CLEC3A: variants seen among roughly 807,000 people sequenced by gnomAD.
CLEC3A encodes C-type lectin domain family 3 member A, also known as C-type (calcium dependent, carbohydrate-recognition domain) lectin, superfamily member 1 (cartilage-derived).
Under a neutral mutation model 20.4 loss-of-function variants are expected in CLEC3A, and 28 were observed. The ratio of observed to expected loss-of-function variants is 1.37; its 90% CI spans 1.02 to 1.88. CLEC3A has a LOEUF of 1.88. CLEC3A is among the 40% of genes most tolerant of loss of function. The probability of loss-of-function intolerance (pLI) is 0.00; values close to 1 mark genes in which losing one functional copy is unlikely to be tolerated. For synonymous variants in CLEC3A, 110 were observed against 88.1 expected (o/e 1.25, Z -1.39); for missense variants, 357 against 240.4 (o/e 1.48, Z -3.21).
At chr16:78,025,736 C>G (rs1308703365) in intron 1 of CLEC3A, among the ~76,000 whole-genome samples, 1 of 152,176 alleles carries the variant, frequency 6.6e-6, no homozygotes, top group Non-Finnish European at 1.5e-5. Context: ...TATGACTTTT[C>G]CAGCTCAGTA....
At chr16:78,023,163 T>C (rs577842040) in intron 1 of CLEC3A, among the ~76,000 whole-genome samples, 13 of 152,360 alleles carry the variant, frequency 8.5e-5, no homozygotes, top group Admixed American at 4.6e-4. Flanking sequence ...AAGATAACTA[T>C]AATCTTATTC....
In CLEC3A at chr16:78,028,203, C is replaced by T. The variant is rs756191025; in HGVS notation, c.199+13C>T. The T allele has an allele frequency of 3.2e-6, 5 of 1,571,314 alleles. No individual in the cohort carries two copies. The highest frequency in any genetic ancestry group is 4.3e-6 in the Non-Finnish European group (5 of 1,162,614). ...GCCCTGCAGACAGGTAAGGTGCAGACCTTCTCAGTGCCTTGTCCCAAAGGA... is the reference window on the plus strand; with the variant it reads ...GCCCTGCAGACAGGTAAGGTGCAGATCTTCTCAGTGCCTTGTCCCAAAGGA... On this transcript the variant is annotated intron_variant, in intron 2 of 2. Transcript: ENST00000299642.
At chr16:78,025,285 G>C (rs995167598) in intron 1 of CLEC3A, among the ~76,000 whole-genome samples, 1 of 152,132 alleles carries the variant, frequency 6.6e-6, no homozygotes, top group Non-Finnish European at 1.5e-5. Context: ...TCCATTGTTT[G>C]GATGGGTCAT....
chr16:78,029,346 C>G (rs2030016223), intron 2 of CLEC3A, among the ~76,000 whole-genome samples: 1 of 152,262 alleles, frequency 6.6e-6, no homozygotes, highest in South Asian at 2.1e-4. Flanking sequence ...TCTCCACATG[C>G]AAAACTAGAA....
chr16:78,028,719 G>A (rs1465426207), intron 2 of CLEC3A, among the ~76,000 whole-genome samples: 1 of 152,238 alleles, frequency 6.6e-6, no homozygotes, highest in African/African-American at 2.4e-5. Flanking sequence ...GAACAGCCCT[G>A]GTTTACAAGG....
At position 78,030,940 on chromosome 16, in the gene CLEC3A, A is replaced by G. The variant is rs1567545182; in HGVS notation, c.*99A>G. 2.2e-6 allele frequency: 3 copies of G among 1,334,948 alleles called. No homozygotes were observed. Among genetic ancestry groups the G allele is most frequent in the Non-Finnish European group, 2.0e-6 (2 of 988,950 alleles). The allele number at this position is 1,334,948 out of a possible 1,614,324, so 82.7% of individuals were successfully genotyped here. ...AATCATAATTTTTACTTATTAAAAA[A>G]TTGCAACACAAGATCAATGTCCATA... On this transcript the variant is annotated 3_prime_UTR_variant, in exon 3 of 3. Coordinates refer to ENST00000299642, the MANE Select transcript of CLEC3A (RefSeq NM_005752.6).
At chr16:78,028,818 T>C (rs2030001159) in intron 2 of CLEC3A, among the ~76,000 whole-genome samples, 1 of 152,240 alleles carries the variant, frequency 6.6e-6, no homozygotes, top group Non-Finnish European at 1.5e-5. Flanking sequence ...CATTACAAGT[T>C]ACTGCCTTCA....
chr16:78,029,478 C>T (rs1246759583), intron 2 of CLEC3A, among the ~76,000 whole-genome samples: 2 of 152,088 alleles, frequency 1.3e-5, no homozygotes, highest in Non-Finnish European at 2.9e-5. Context: ...GCACGATTCT[C>T]CTGCTTCAGC....
At chr16:78,029,957 T>C (rs1181984057) in intron 2 of CLEC3A, among the ~76,000 whole-genome samples, 1 of 151,864 alleles carries the variant, frequency 6.6e-6, no homozygotes, top group Admixed American at 6.6e-5. Flanking sequence ...ATCGAGACCA[T>C]CCTGGCTAAC....
chr16:78,027,195 A>C (rs1264349695), intron 1 of CLEC3A, among the ~76,000 whole-genome samples: 1 of 152,228 alleles, frequency 6.6e-6, no homozygotes, highest in Non-Finnish European at 1.5e-5. Flanking sequence ...AGAACCAAGA[A>C]TAATAAGACA....
rs1245465887 is a variant in CLEC3A at position 78,029,440 on chromosome 16, C to T, written c.200-1007C>T. On this transcript the variant is annotated intron_variant, in intron 2 of 2. Coordinates refer to ENST00000299642, the MANE Select transcript of CLEC3A (RefSeq NM_005752.6). Reference sequence around the variant, plus strand: ...CTGGAGTACAATGGCGCAATCTCGGCTCACTGCAACCTCTGCCTCCCAGGT... The same window carrying T: ...CTGGAGTACAATGGCGCAATCTCGGTTCACTGCAACCTCTGCCTCCCAGGT... Among the ~76,000 whole-genome samples, 9 of 152,158 alleles carry T rather than the reference C, an allele frequency of 5.9e-5. 1 individual carries two copies. Among genetic ancestry groups the T allele is most frequent in the Admixed American group, 1.3e-4 (2 of 15,280 alleles).
rs549750759 is a variant in CLEC3A, at chr16:78,022,561, G to T, written c.-66G>T. ...GCATCCCAGAGCAAGATGTAGCTGT[G>T]TAGTCTCCTTCCATAGCTGCTCTAA... On this transcript the variant is annotated 5_prime_UTR_variant, in exon 1 of 3. Coordinates refer to ENST00000299642, the MANE Select transcript of CLEC3A (RefSeq NM_005752.6). 5.7e-6 allele frequency: 9 copies of T among 1,587,284 alleles called. No homozygotes were observed. In the East Asian group the frequency reaches 1.8e-4, roughly 33 times the overall value.
At chr16:78,023,639 A>G (rs2018776787) in intron 1 of CLEC3A, among the ~76,000 whole-genome samples, 1 of 152,220 alleles carries the variant, frequency 6.6e-6, no homozygotes, top group South Asian at 2.1e-4. Context: ...GCAAGGTTAC[A>G]GTCTATTTCA....
At chr16:78,027,812 T>C (rs2029970250) in intron 1 of CLEC3A, among the ~76,000 whole-genome samples, 1 of 152,166 alleles carries the variant, frequency 6.6e-6, no homozygotes, top group African/African-American at 2.4e-5. Context: ...TTCAACACCA[T>C]GCCCAGCTAA....
intron 2 of CLEC3A, 46 bp from the exon 3 acceptor site, chr16:78,030,401 T>C (rs754878762): frequency 1.3e-6 from 2 of 1,523,960 alleles, no homozygotes; most frequent in East Asian, 2.3e-5. Context: ...CTAGTCATAA[T>C]ACACTCAAAA....
chr16:78,028,549 G>A (rs1225515704), intron 2 of CLEC3A, among the ~76,000 whole-genome samples: 1 of 152,226 alleles, frequency 6.6e-6, no homozygotes, highest in African/African-American at 2.4e-5. Context: ...ACTCTCTCGG[G>A]CCACACCCAG....
In CLEC3A at chr16:78,028,121, C is replaced by T; in HGVS notation, c.130C>T (p.Leu44=). ...KRRVRDKDGD[L]KTQIEKLWTE... ...ATTTTCCCCAGACAAGGATGGAGAT[C>T]TGAAGACTCAAATTGAAAAGCTCTG... Residue 44 remains leucine (L), a synonymous_variant, in exon 2 of 3, where the codon CTG becomes TTG. Coordinates refer to ENST00000299642, the MANE Select transcript of CLEC3A (RefSeq NM_005752.6). 5 of 1,610,102 alleles carry T rather than the reference C, an allele frequency of 3.1e-6. No individual in the cohort carries two copies. The highest frequency in any genetic ancestry group is 1.3e-5 in the African/African-American group (1 of 74,698).
chr16:78,022,853 T>C (rs960649308), intron 1 of CLEC3A, 112 bp downstream of exon 1: 1 of 1,110,854 alleles, frequency 9.0e-7, no homozygotes, highest in Non-Finnish European at 1.3e-6. Context: ...GATGGCACCA[T>C]GCCATCATCC....
chr16:78,027,590 C>G (rs1336793690), intron 1 of CLEC3A, among the ~76,000 whole-genome samples: 1 of 152,180 alleles, frequency 6.6e-6, no homozygotes, highest in East Asian at 1.9e-4. Context: ...TCTTAAGAAT[C>G]TTCCTGTCCA....
Sources: gnomAD v4.1 joint callset for allele counts (sites outside exome capture counted in the v4.1 genomes callset) on GRCh38, gnomAD v4.1.1 for gene constraint, MANE v1.5 for transcripts, NCBI Gene and HGNC (gene_info 2026-07-23, HGNC 2026-07-21) for gene names.